ASH2L: variants seen among roughly 807,000 people sequenced by gnomAD.
The protein encoded by ASH2L is set1/Ash2 histone methyltransferase complex subunit ASH2.
A neutral mutation model predicts 81.1 loss-of-function variants in ASH2L; 30 were observed. The observed-to-expected ratio is 0.37, with a 90% CI of 0.28 to 0.50. ASH2L has a LOEUF of 0.50. ASH2L is among the 20% of genes least tolerant of loss of function. ASH2L has a pLI of 0.95. For synonymous variants in ASH2L, 273 were observed against 279.9 expected (o/e 0.98, Z 0.24); for missense variants, 559 against 792.1 (o/e 0.71, Z 3.53).
chr8:38,126,703 A>T (rs1166976639), intron 10 of ASH2L, among the ~76,000 whole-genome samples: 5 of 151,194 alleles, frequency 3.3e-5, no homozygotes, highest in Non-Finnish European at 5.9e-5. Context: ...AAATATAAAA[A>T]ATTAGCCGGG....
Position 38,105,606 on chromosome 8 carries a change from G to T in ASH2L, c.56G>T (p.Gly19Val). ...GAAGCGGGTGCCGGGCCTGGCCCAG[G>T]AGCGGTCGCAAATGCAACAGGGGCA... ...GQEAGAGPGP[G>V]AVANATGAEE... Residue 19 changes from glycine (G) to valine (V), a missense_variant, in exon 1 of 16, where the codon GGA becomes GTA. By Grantham distance (109) the Gly-to-Val change is moderately radical. Transcript: ENST00000343823. The T allele has an allele frequency of 6.2e-7, 1 of 1,601,562 alleles. No individual in the cohort carries two copies. The highest frequency in any genetic ancestry group is 8.5e-7 in the Non-Finnish European group (1 of 1,174,460).
intron 9 of ASH2L, 35 bp downstream of exon 9, chr8:38,119,398 T>G: frequency 6.8e-7 from 1 of 1,460,572 alleles, no homozygotes; most frequent in Non-Finnish European, 9.1e-7. Context: ...CCCTCACTAT[T>G]TAAGTATTAT....
chr8:38,138,667 T>A (rs1235207468), intron 14 of ASH2L, 149 bp from the exon 15 acceptor site: 11 of 617,532 alleles, frequency 1.8e-5, no homozygotes, highest in Middle Eastern at 4.3e-4. Flanking sequence ...TTGACCACTT[T>A]TAGTAATATT....
At position 38,114,717 on chromosome 8, in the gene ASH2L, G is replaced by A. The variant is rs1048918522; in HGVS notation, c.682-188G>A. The A allele has an allele frequency of 3.1e-5, 17 of 554,760 alleles. 1 individual carries two copies. The highest frequency in any genetic ancestry group is 1.3e-4 in the African/African-American group (7 of 53,062). 34.4% of individuals were successfully genotyped at this position (554,760 alleles called of 1,614,324 possible). A position where few individuals can be genotyped will look rare whatever the true frequency, so the allele number is the denominator to read the frequency against. ...TAGGTGAGGATTATGAAAAACTTGGGCACTCTTTGTGTTTCTCTGTTGTTT... is the reference window on the plus strand; with the variant it reads ...TAGGTGAGGATTATGAAAAACTTGGACACTCTTTGTGTTTCTCTGTTGTTT... On this transcript the variant is annotated intron_variant, in intron 6 of 15. Coordinates refer to ENST00000343823, the MANE Select transcript of ASH2L (RefSeq NM_004674.5).
intron 12 of ASH2L, among the ~76,000 whole-genome samples, chr8:38,132,636 T>G (rs559615923): frequency 2.6e-4 from 39 of 150,254 alleles, no homozygotes; most frequent in African/African-American, 9.3e-4. Flanking sequence ...CCGTCTTTAC[T>G]AAAAATACAA....
intron 6 of ASH2L, 138 bp downstream of exon 6, chr8:38,114,425 A>G: frequency 1.6e-6 from 1 of 614,950 alleles, no homozygotes; most frequent in Non-Finnish European, 2.8e-6. Context: ...GATACAGCTA[A>G]TTGTGAATTT....
At chr8:38,117,060 T>C (rs1810934797) in intron 8 of ASH2L, among the ~76,000 whole-genome samples, 1 of 152,248 alleles carries the variant, frequency 6.6e-6, no homozygotes, top group East Asian at 1.9e-4. Context: ...TTTTCTGCAA[T>C]TCAGCTGTTA....
At chr8:38,110,980 G>A in intron 5 of ASH2L, 147 bp downstream of exon 5, 1 of 718,748 alleles carries the variant, frequency 1.4e-6, no homozygotes, top group Non-Finnish European at 2.3e-6. Flanking sequence ...TTTTTTTCAA[G>A]ATGGAATGCA....
chr8:38,137,099 A>G (rs1283089974), intron 14 of ASH2L, among the ~76,000 whole-genome samples: 62 of 151,126 alleles, frequency 4.1e-4, no homozygotes, highest in Admixed American at 1.3e-3. Context: ...TCTCAAAAAA[A>G]AAAAAAGGGC....
At chr8:38,121,579 C>T (rs1224489682) in intron 10 of ASH2L, among the ~76,000 whole-genome samples, 2 of 152,062 alleles carry the variant, frequency 1.3e-5, no homozygotes, top group South Asian at 4.1e-4. Flanking sequence ...AGTTTTTCCA[C>T]TCACACTTAA....
At chr8:38,117,565 T>C in intron 8 of ASH2L, 1 of 702,684 alleles carries the variant, frequency 1.4e-6, no homozygotes, top group African/African-American at 1.9e-5. Context: ...AGCTAAAAAC[T>C]ACATAATTTG....
At chr8:38,136,954 T>A (rs1334627153) in intron 14 of ASH2L, among the ~76,000 whole-genome samples, 2 of 151,164 alleles carry the variant, frequency 1.3e-5, no homozygotes, top group Admixed American at 1.3e-4. Context: ...TAGCCAGATG[T>A]GATGGCCACG....
At position 38,113,471 on chromosome 8, in the gene ASH2L, A is replaced by G. The variant is rs886216604; in HGVS notation, c.586-721A>G. 8.2e-4 allele frequency among the ~76,000 whole-genome samples: 125 copies of G among 152,106 alleles called. 2 individuals carry two copies. Among genetic ancestry groups the G allele is most frequent in the Admixed American group, 2.8e-3 (42 of 15,252 alleles). On this transcript the variant is annotated intron_variant, in intron 5 of 15. Coordinates refer to ENST00000343823, the MANE Select transcript of ASH2L (RefSeq NM_004674.5). Reference sequence around the variant, plus strand: ...GTAAAGATTTAGTTGTCATGGAGCTAACTCTGGTGGTGGTGCTTTTGAAGA... The same window carrying G: ...GTAAAGATTTAGTTGTCATGGAGCTGACTCTGGTGGTGGTGCTTTTGAAGA...
chr8:38,118,218 G>A (rs759354817), intron 8 of ASH2L, among the ~76,000 whole-genome samples: 1 of 152,220 alleles, frequency 6.6e-6, no homozygotes, highest in Non-Finnish European at 1.5e-5. Flanking sequence ...TGTATATGCA[G>A]AATATGAGCC....
intron 1 of ASH2L, chr8:38,106,170 T>TC (rs35549086): frequency 6.5e-7 from 1 of 1,529,430 alleles, no homozygotes; most frequent in Non-Finnish European, 8.8e-7. Context: ...CGGTTAGGCT[T>TC]CCCTGTGCTC....
rs765916734 is a variant in ASH2L, at chr8:38,121,155, TA to T, written c.1165+9del. 2.5e-6 allele frequency: 4 copies of T among 1,611,670 alleles called. No homozygotes were observed. Among genetic ancestry groups the T allele is most frequent in the Admixed American group, 1.7e-5 (1 of 59,888 alleles). ...GTTAGCCCTACATGATCGAGGTATG[TA>T]AAGTATTGGAGATCATATGGATGCA... On this transcript the variant is annotated splice_region_variant and intron_variant, in intron 10 of 15. Coordinates refer to ENST00000343823, the MANE Select transcript of ASH2L (RefSeq NM_004674.5).
At chr8:38,108,712 T>G (rs1254959563) in intron 3 of ASH2L, among the ~76,000 whole-genome samples, 4 of 151,678 alleles carry the variant, frequency 2.6e-5, no homozygotes, top group Non-Finnish European at 5.9e-5. Flanking sequence ...TCCCAGCTAC[T>G]CGGGAGGCAG....
intron 3 of ASH2L, among the ~76,000 whole-genome samples, chr8:38,108,532 G>GT (rs1329418545): frequency 0.014 from 2,161 of 151,438 alleles, 53 homozygotes; most frequent in African/African-American, 0.05. Context: ...AAAAAAAAAG[G>GT]TGGGGGGCCA....
In ASH2L at chr8:38,115,323, A is replaced by G. The variant is rs1441599349; in HGVS notation, c.777+323A>G. 5.3e-5 allele frequency among the ~76,000 whole-genome samples: 8 copies of G among 152,220 alleles called. No homozygotes were observed. The South Asian group carries it at 1.4e-3, about 28-fold the overall frequency. The stretch of plus-strand genomic sequence containing the variant: ...ACTTCTAATCTTCCTGCCATCTTAA[A>G]TTTTGCTCTTAAAAACTTTCTTTGT... On this transcript the variant is annotated intron_variant, in intron 7 of 15. Coordinates refer to ENST00000343823, the MANE Select transcript of ASH2L (RefSeq NM_004674.5).
Sources: allele counts gnomAD v4.1 joint callset (sites outside exome capture counted in the v4.1 genomes callset), GRCh38; gene constraint gnomAD v4.1.1; transcripts MANE v1.5; gene names NCBI Gene and HGNC (gene_info 2026-07-23, HGNC 2026-07-21).